The following ZNF423 variants were observed in gnomAD, a reference collection of about 807,000 sequenced individuals.
ZNF423 encodes the protein Ebf-associated zinc finger protein.
In ZNF423, 12 loss-of-function variants were observed where a neutral mutation model predicts 95.8. The ratio of observed to expected loss-of-function variants is 0.13; its 90% CI spans 0.08 to 0.20. The LOEUF (loss-of-function observed/expected upper bound fraction) is 0.20. Among genes scored for constraint, ZNF423 ranks in the 10% least tolerant of loss-of-function variants. ZNF423 has a pLI of 1.00. For missense variants in ZNF423, 1,316 were observed against 1,737.1 expected, an observed-to-expected ratio of 0.76 and a Z score of 4.31; for synonymous variants, 749 against 711.9, an observed-to-expected ratio of 1.05 and a Z score of -0.83.
chr16:49,645,768 G>A (rs1474037994), intron 3 of ZNF423, among the ~76,000 whole-genome samples: 1 of 152,148 alleles, frequency 6.6e-6, no homozygotes. Flanking sequence ...CTGAATCATG[G>A]GGGTGGTTTC....
intron 4 of ZNF423, among the ~76,000 whole-genome samples, chr16:49,634,897 C>T (rs780941916): frequency 4.6e-5 from 7 of 152,188 alleles, no homozygotes; most frequent in Non-Finnish European, 7.3e-5. Flanking sequence ...CCTGTGGCTC[C>T]CTCTGGTCCA....
chr16:49,743,660 G>A (rs1353002309), intron 2 of ZNF423, among the ~76,000 whole-genome samples: 1 of 151,826 alleles, frequency 6.6e-6, no homozygotes, highest in African/African-American at 2.4e-5. Flanking sequence ...GGGGCTCAAG[G>A]GACTCCCCAG....
chr16:49,687,549 A>T (rs2031612265), intron 3 of ZNF423, among the ~76,000 whole-genome samples: 1 of 152,212 alleles, frequency 6.6e-6, no homozygotes, highest in African/African-American at 2.4e-5. Flanking sequence ...AGAATCAAAG[A>T]TCTTCATTTC....
chr16:49,594,812 C>T (rs559838297), intron 5 of ZNF423, among the ~76,000 whole-genome samples: 30 of 152,270 alleles, frequency 2.0e-4, no homozygotes, highest in Admixed American at 2.0e-3. Flanking sequence ...CAACATGATA[C>T]ACAGAGGCCA....
At chr16:49,657,147 C>A (rs1411381552) in intron 3 of ZNF423, among the ~76,000 whole-genome samples, 1 of 152,252 alleles carries the variant, frequency 6.6e-6, no homozygotes, top group African/African-American at 2.4e-5. Context: ...GGACACCTCT[C>A]AGGGTGACAC....
chr16:49,554,647 GTTC>G (rs1969760470), intron 5 of ZNF423, among the ~76,000 whole-genome samples: 1 of 151,628 alleles, frequency 6.6e-6, no homozygotes, highest in Admixed American at 6.6e-5. Flanking sequence ...ATAAATGGTG[GTTC>G]TTCTGCTTGA....
At chr16:49,849,538 A>G (rs1361979478) in intron 1 of ZNF423, among the ~76,000 whole-genome samples, 1 of 152,190 alleles carries the variant, frequency 6.6e-6, no homozygotes, top group African/African-American at 2.4e-5. Flanking sequence ...AGCCACTGAA[A>G]TGTGAATGAG....
intron 5 of ZNF423, among the ~76,000 whole-genome samples, chr16:49,605,331 G>A (rs1025281767): frequency 1.3e-5 from 2 of 152,188 alleles, no homozygotes; most frequent in Non-Finnish European, 2.9e-5. Context: ...GAACTTGGGC[G>A]GGTTTGCATC....
At chr16:49,692,669 C>G (rs1312857410) in intron 3 of ZNF423, among the ~76,000 whole-genome samples, 1 of 152,212 alleles carries the variant, frequency 6.6e-6, no homozygotes, top group Non-Finnish European at 1.5e-5. Flanking sequence ...GCAGGGGAAG[C>G]TACAATCCTG....
intron 3 of ZNF423, among the ~76,000 whole-genome samples, chr16:49,709,080 C>T (rs1363645459): frequency 6.6e-6 from 1 of 151,492 alleles, no homozygotes; most frequent in Non-Finnish European, 1.5e-5. Flanking sequence ...GCCCTGAGGA[C>T]ATAAGGATGA....
intron 5 of ZNF423, among the ~76,000 whole-genome samples, chr16:49,611,250 G>C (rs1971710779): frequency 1.3e-5 from 2 of 151,974 alleles, no homozygotes; most frequent in South Asian, 4.1e-4. Flanking sequence ...ACCATATCAT[G>C]GGTCATAAAA....
chr16:49,646,135 C>T (rs1973160400), intron 3 of ZNF423, among the ~76,000 whole-genome samples: 1 of 152,154 alleles, frequency 6.6e-6, no homozygotes, highest in African/African-American at 2.4e-5. Context: ...AAAGTGGACA[C>T]AAAGCAGCCC....
chr16:49,749,076 C>A (rs185221208), intron 2 of ZNF423, among the ~76,000 whole-genome samples: 13 of 152,132 alleles, frequency 8.5e-5, no homozygotes, highest in Non-Finnish European at 1.9e-4. Context: ...AGGAAGGTGG[C>A]GAAACAGCAT....
intron 5 of ZNF423, among the ~76,000 whole-genome samples, chr16:49,564,016 C>CT (rs1481842793): frequency 1.3e-5 from 2 of 152,242 alleles, no homozygotes; most frequent in Non-Finnish European, 2.9e-5. Flanking sequence ...CCAGCAGGCT[C>CT]TTTGCCTAGG....
rs141996639 is a variant in ZNF423 at position 49,635,808 on chromosome 16, C to A, written c.3368G>T (p.Arg1123Leu). The A allele has an allele frequency of 6.2e-7, 1 of 1,610,834 alleles. No individual in the cohort carries two copies. Among genetic ancestry groups the A allele is most frequent in the Non-Finnish European group, 8.5e-7 (1 of 1,179,076 alleles). ...GGLAPPEPADRPCAGLRCPEC... is the reference protein window; with the variant it reads ...GGLAPPEPADLPCAGLRCPEC... ...GGGGCAACGGAGGCCGGCACAGGGC[C>A]GGTCGGCGGGCTCGGGCGGGGCCAG... Residue 1123 changes from arginine to leucine, a missense_variant, in exon 4 of 8, where the codon CGG becomes CTG. By Grantham distance (102) the Arg-to-Leu change is moderately radical (BLOSUM62 -2). This residue lies in a region of ZNF423 where 620 missense variants were observed against 775.6 expected (regional missense o/e 0.80). Coordinates refer to ENST00000563137, the MANE Select transcript of ZNF423 (RefSeq NM_001379286.1). This position sits in a 1 kb window ranked among gnomAD's most constrained non-coding sequence, Gnocchi z 4.8.
intron 7 of ZNF423, among the ~76,000 whole-genome samples, chr16:49,518,915 T>A (rs1462772481): frequency 1.3e-5 from 2 of 152,122 alleles, no homozygotes; most frequent in African/African-American, 4.8e-5. Flanking sequence ...AATTAAAAAA[T>A]TAGCTGGGTG....
In ZNF423 at chr16:49,589,186, T is replaced by A. The variant is rs375958046; in HGVS notation, c.3601+36984A>T. The stretch of plus-strand genomic sequence containing the variant: ...ACATTCCAGTCTCAGTAGGTCAAAG[T>A]CCATCACAAAGGGGAAAACCCAGCT... On this transcript the variant is annotated intron_variant, in intron 5 of 7. Coordinates refer to ENST00000563137, the MANE Select transcript of ZNF423 (RefSeq NM_001379286.1). 1.3e-4 allele frequency among the ~76,000 whole-genome samples: 20 copies of A among 152,266 alleles called. No individual in the cohort carries two copies. The East Asian group carries it at 2.7e-3, about 21-fold the overall frequency.
chr16:49,755,005 G>T (rs1473634571), intron 2 of ZNF423, among the ~76,000 whole-genome samples: 1 of 152,132 alleles, frequency 6.6e-6, no homozygotes, highest in African/African-American at 2.4e-5. Flanking sequence ...GCAACAGTCC[G>T]CCGGTGCGGC....
At chr16:49,746,704 T>G (rs2033531872) in intron 2 of ZNF423, among the ~76,000 whole-genome samples, 1 of 152,098 alleles carries the variant, frequency 6.6e-6, no homozygotes, top group African/African-American at 2.4e-5. Context: ...ACTCCTGACC[T>G]CAGGTGAACC....
Sources: allele counts gnomAD v4.1 joint callset (sites outside exome capture counted in the v4.1 genomes callset), GRCh38; gene constraint gnomAD v4.1.1; regional missense constraint gnomAD v4.1.1; non-coding constraint Gnocchi (gnomAD v3.1); transcripts MANE v1.5; gene names NCBI Gene and HGNC (gene_info 2026-07-23, HGNC 2026-07-21).